DAB1: variants seen among roughly 807,000 people sequenced by gnomAD.
The protein encoded by DAB1 is DAB adaptor protein 1, also known as disabled homolog 1.
Under a neutral mutation model 64.6 loss-of-function variants are expected in DAB1, and 15 were observed. That is an observed-to-expected ratio of 0.23 (90% confidence interval 0.16 to 0.36). The LOEUF is 0.36. Ranked by LOEUF, DAB1 falls within the 10% of genes least tolerant of loss-of-function variation. The probability of loss-of-function intolerance (pLI) is 1.00; values close to 1 mark genes in which losing one functional copy is unlikely to be tolerated. For synonymous variants in DAB1, 235 were observed against 251.9 expected (o/e 0.93, Z 0.64); for missense variants, 596 against 706.7 (o/e 0.84, Z 1.78).
At chr1:58,041,430 T>C (rs1647134679) in intron 5 of DAB1, among the ~76,000 whole-genome samples, 1 of 152,208 alleles carries the variant, frequency 6.6e-6, no homozygotes, top group Admixed American at 6.5e-5. Context: ...GCCAGGCTTA[T>C]ACAGCGTGTA....
At chr1:57,813,775 G>A (rs779290120) in intron 6 of DAB1, among the ~76,000 whole-genome samples, 3 of 152,158 alleles carry the variant, frequency 2.0e-5, no homozygotes, top group African/African-American at 7.2e-5. Flanking sequence ...CTCCACCCTC[G>A]GTAGAGAATC....
intron 4 of DAB1, among the ~76,000 whole-genome samples, chr1:58,342,036 G>A (rs1472640669): frequency 1.3e-5 from 2 of 152,100 alleles, no homozygotes; most frequent in Non-Finnish European, 2.9e-5. Context: ...CACTTCCTCT[G>A]CCTTGGCCTC....
At chr1:58,348,484 G>A (rs1324435582) in intron 3 of DAB1, among the ~76,000 whole-genome samples, 1 of 152,166 alleles carries the variant, frequency 6.6e-6, no homozygotes, top group Non-Finnish European at 1.5e-5. Context: ...GCTAGCAGAT[G>A]CTCTATGTTT....
At chr1:57,965,031 A>ATGAAGAATGGATGGAACATTCATGTG (rs56268274) in intron 5 of DAB1, among the ~76,000 whole-genome samples, 49,765 of 150,296 alleles carry the variant, frequency 0.33, 9,871 homozygotes, top group Admixed American at 0.46. Flanking sequence ...ATTCCAATGT[A>ATGAAGAATGGATGGAACATTCATGTG]TGAAGAATGG....
At chr1:58,284,191 A>G (rs1661631102) in intron 4 of DAB1, among the ~76,000 whole-genome samples, 1 of 152,174 alleles carries the variant, frequency 6.6e-6, no homozygotes, top group Non-Finnish European at 1.5e-5. Flanking sequence ...CCATATGGGA[A>G]CTTGGGAATT....
At chr1:57,695,369 A>AAAAGAAAG (rs1646822497) in intron 6 of DAB1, among the ~76,000 whole-genome samples, 129 of 48,366 alleles carry the variant, frequency 2.7e-3, no homozygotes, top group African/African-American at 3.1e-3. Context: ...AAGAAGAAAG[A>AAAAGAAAG]AAGAAAGAAA....
intron 5 of DAB1, among the ~76,000 whole-genome samples, chr1:58,114,831 C>T (rs1410529580): frequency 6.6e-6 from 1 of 152,184 alleles, no homozygotes; most frequent in Non-Finnish European, 1.5e-5. Flanking sequence ...ATTGTTACAA[C>T]TGTGCCAGTT....
At chr1:57,650,992 CA>C (rs1240511561) in intron 6 of DAB1, among the ~76,000 whole-genome samples, 1 of 151,854 alleles carries the variant, frequency 6.6e-6, no homozygotes, top group Non-Finnish European at 1.5e-5. Flanking sequence ...AATGAAGGAA[CA>C]AAAGAATTAA....
intron 9 of DAB1, among the ~76,000 whole-genome samples, chr1:57,052,984 C>T (rs543960568): frequency 5.2e-4 from 79 of 152,324 alleles, no homozygotes; most frequent in African/African-American, 1.8e-3. Flanking sequence ...CACATATCAT[C>T]CCTAGGTCTT....
chr1:57,603,042 G>A (rs1376074042), intron 7 of DAB1, among the ~76,000 whole-genome samples: 1 of 152,142 alleles, frequency 6.6e-6, no homozygotes, highest in Non-Finnish European at 1.5e-5. Flanking sequence ...GCACGATCTC[G>A]GCTCACTGCA....
At chr1:58,179,283 G>A (rs890909375) in intron 4 of DAB1, among the ~76,000 whole-genome samples, 2 of 151,968 alleles carry the variant, frequency 1.3e-5, no homozygotes, top group Admixed American at 6.6e-5. Flanking sequence ...GAGGAATATG[G>A]ATCTACTGTT....
At chr1:57,369,773 A>T (rs990509527) in intron 1 of DAB1, among the ~76,000 whole-genome samples, 20 of 152,150 alleles carry the variant, frequency 1.3e-4, no homozygotes, top group African/African-American at 4.8e-4. Context: ...TATCCAAGTA[A>T]TTAACTCAAG....
At chr1:57,976,218 C>A (rs1161259605) in intron 5 of DAB1, among the ~76,000 whole-genome samples, 1 of 152,138 alleles carries the variant, frequency 6.6e-6, no homozygotes, top group African/African-American at 2.4e-5. Flanking sequence ...CAGAACTAGC[C>A]CATCTCCCTT....
intron 5 of DAB1, among the ~76,000 whole-genome samples, chr1:58,121,412 C>A (rs1239810849): frequency 6.6e-6 from 1 of 152,120 alleles, no homozygotes; most frequent in African/African-American, 2.4e-5. Context: ...TTCCCCCAGG[C>A]CCAAGAGAAA....
intron 7 of DAB1, among the ~76,000 whole-genome samples, chr1:57,431,377 C>CT (rs748450341): frequency 1.9e-4 from 29 of 152,144 alleles, no homozygotes; most frequent in Non-Finnish European, 3.4e-4. Context: ...CTTGTTTTAA[C>CT]TACATTTCAG....
At chr1:57,040,711 C>T (rs1647650741) in intron 9 of DAB1, among the ~76,000 whole-genome samples, 1 of 152,212 alleles carries the variant, frequency 6.6e-6, no homozygotes, top group Non-Finnish European at 1.5e-5. Flanking sequence ...TTTTAATGGT[C>T]TCTTCCTATC....
intron 3 of DAB1, among the ~76,000 whole-genome samples, chr1:58,369,592 T>C (rs572656390): frequency 3.9e-5 from 6 of 152,384 alleles, no homozygotes; most frequent in African/African-American, 1.4e-4. Flanking sequence ...AATGCTCATT[T>C]ATCTAGCCAC....
chr1:57,458,661 G>A (rs995070385), intron 7 of DAB1, among the ~76,000 whole-genome samples: 1 of 152,036 alleles, frequency 6.6e-6, no homozygotes, highest in Non-Finnish European at 1.5e-5. Context: ...ACCATGTTAG[G>A]ATTATTTAGC....
intron 4 of DAB1, among the ~76,000 whole-genome samples, chr1:58,325,820 A>T (rs1054169890): frequency 1.3e-5 from 2 of 152,194 alleles, no homozygotes; most frequent in Non-Finnish European, 2.9e-5. Flanking sequence ...AATTCCATTT[A>T]AAAATAATCT....
Sources: gnomAD v4.1 joint callset for allele counts (sites outside exome capture counted in the v4.1 genomes callset) on GRCh38, gnomAD v4.1.1 for gene constraint, MANE v1.5 for transcripts, NCBI Gene and HGNC (gene_info 2026-07-23, HGNC 2026-07-21) for gene names.